Variants in OR3A3 observed in about 807,000 individuals in gnomAD.
The protein encoded by OR3A3 is olfactory receptor 3A3.
For synonymous variants in OR3A3, 103 were observed against 163.9 expected, an observed-to-expected ratio of 0.63 and a Z score of 2.84; for missense variants, 275 against 391.4, an observed-to-expected ratio of 0.70 and a Z score of 2.51.
At chr17:3,411,394 T>G (rs2072361113) in exon 1 of OR3A3, 1 of 152,514 alleles carries the variant, frequency 6.6e-6, no homozygotes, top group South Asian at 2.1e-4. Flanking sequence ...GGAATTTGCT[T>G]GTCTCTGCTC....
intron 2 of OR3A3, among the ~76,000 whole-genome samples, chr17:3,415,611 AAT>A (rs2072386206): frequency 6.6e-6 from 1 of 150,392 alleles, no homozygotes; most frequent in East Asian, 1.9e-4. Context: ...ATTGCTTTCT[AAT>A]ATATGGTCTT....
chr17:3,419,534 C>CA (rs2072413049), intron 2 of OR3A3, among the ~76,000 whole-genome samples: 2 of 152,064 alleles, frequency 1.3e-5, no homozygotes, highest in Non-Finnish European at 2.9e-5. Flanking sequence ...ATTCTCACCA[C>CA]AAAAATGAGT....
intron 2 of OR3A3, among the ~76,000 whole-genome samples, chr17:3,420,089 A>G (rs1199149050): frequency 2.0e-5 from 3 of 152,118 alleles, no homozygotes; most frequent in Non-Finnish European, 2.9e-5. Flanking sequence ...TAATCTCACT[A>G]TATTCAAAAA....
At chr17:3,416,749 G>A (rs1351520733) in intron 2 of OR3A3, among the ~76,000 whole-genome samples, 1 of 151,790 alleles carries the variant, frequency 6.6e-6, no homozygotes, top group African/African-American at 2.4e-5. Flanking sequence ...TGTGATGTGT[G>A]TATATATATA....
chr17:3,415,294 C>T (rs2072383678), intron 2 of OR3A3, among the ~76,000 whole-genome samples: 1 of 151,754 alleles, frequency 6.6e-6, no homozygotes, highest in Non-Finnish European at 1.5e-5. Flanking sequence ...GGCTCGGTGG[C>T]TCACACGTGT....
intron 2 of OR3A3, among the ~76,000 whole-genome samples, chr17:3,419,265 G>C (rs937652264): frequency 2.6e-5 from 4 of 152,174 alleles, no homozygotes; most frequent in Non-Finnish European, 5.9e-5. Flanking sequence ...TCTTCTCTCT[G>C]ATTCCTGGCA....
chr17:3,417,437 C>T (rs1049974997), intron 2 of OR3A3, among the ~76,000 whole-genome samples: 1 of 152,108 alleles, frequency 6.6e-6, no homozygotes, highest in East Asian at 1.9e-4. Flanking sequence ...ATTGTTCAAA[C>T]ATTTATATTT....
chr17:3,422,535 C>T (rs1407124040), exon 3 of OR3A3: 1 of 152,192 alleles, frequency 6.6e-6, no homozygotes, highest in Admixed American at 6.5e-5. Flanking sequence ...TAAATGCAGT[C>T]CCTGGGAGTG....
intron 2 of OR3A3, among the ~76,000 whole-genome samples, chr17:3,415,012 G>C (rs1030026651): frequency 6.6e-6 from 1 of 151,994 alleles, no homozygotes; most frequent in Non-Finnish European, 1.5e-5. Context: ...ATAGCTCAGA[G>C]TTTCCTTCTG....
intron 2 of OR3A3, among the ~76,000 whole-genome samples, chr17:3,413,793 G>C (rs2072374590): frequency 6.7e-6 from 1 of 149,848 alleles, no homozygotes. Flanking sequence ...CTGCACTCCA[G>C]CCTGGTGATA....
At chr17:3,421,758 A>G in exon 3 of OR3A3, 2 of 468,922 alleles carry the variant, frequency 4.3e-6, no homozygotes, top group Non-Finnish European at 7.2e-6. Context: ...GGCATTGGTG[A>G]GCAAAATGGA....
intron 2 of OR3A3, among the ~76,000 whole-genome samples, chr17:3,418,225 AT>A (rs912246665): frequency 2.0e-5 from 3 of 151,612 alleles, no homozygotes; most frequent in East Asian, 1.9e-4. Flanking sequence ...TACCCTCCCC[AT>A]TTTTTTCTTG....
At chr17:3,411,660 G>C (rs2072362894) in intron 1 of OR3A3, among the ~76,000 whole-genome samples, 176 bp downstream of exon 1, 1 of 152,230 alleles carries the variant, frequency 6.6e-6, no homozygotes. Flanking sequence ...GGGCGACAGA[G>C]CGAGACTCCG....
chr17:3,413,867 C>T (rs1048728028), intron 2 of OR3A3, among the ~76,000 whole-genome samples: 8 of 148,804 alleles, frequency 5.4e-5, no homozygotes, highest in African/African-American at 2.0e-4. Context: ...ACTTTAAGGA[C>T]CTCTTAGAGA....
At chr17:3,414,372 G>A (rs1371460258) in intron 2 of OR3A3, among the ~76,000 whole-genome samples, 3 of 152,154 alleles carry the variant, frequency 2.0e-5, no homozygotes, top group African/African-American at 7.2e-5. Context: ...TGGCCGGCCA[G>A]GATTTTTTTG....
chr17:3,418,902 C>A (rs2072408418), intron 2 of OR3A3, among the ~76,000 whole-genome samples: 1 of 152,046 alleles, frequency 6.6e-6, no homozygotes, highest in Admixed American at 6.6e-5. Flanking sequence ...AAGTACATGC[C>A]TTCTTCATTT....
intron 2 of OR3A3, among the ~76,000 whole-genome samples, chr17:3,413,879 T>C (rs181639550): frequency 6.4e-4 from 97 of 151,986 alleles, no homozygotes; most frequent in East Asian, 4.4e-3. Context: ...TCTTAGAGAT[T>C]ACCGCATCCA....
At chr17:3,419,884 G>C (rs1307392854) in intron 2 of OR3A3, among the ~76,000 whole-genome samples, 1 of 151,912 alleles carries the variant, frequency 6.6e-6, no homozygotes, top group Non-Finnish European at 1.5e-5. Flanking sequence ...TCCTGCCTCA[G>C]CCTCCCGAGT....
intron 2 of OR3A3, 123 bp downstream of exon 2, chr17:3,412,294 C>T (rs2072366762): frequency 6.7e-6 from 1 of 149,408 alleles, no homozygotes; most frequent in Non-Finnish European, 1.5e-5. Flanking sequence ...TAGGGGAAGA[C>T]CTGGCACTAC....
Sources: allele counts gnomAD v4.1 joint callset (sites outside exome capture counted in the v4.1 genomes callset), GRCh38; gene constraint gnomAD v4.1.1; transcripts MANE v1.5; gene names NCBI Gene and HGNC (gene_info 2026-07-23, HGNC 2026-07-21).